JAM2: variants seen among roughly 807,000 people sequenced by gnomAD.
The protein encoded by JAM2 is junctional adhesion molecule 2.
Under a neutral mutation model 42.0 loss-of-function variants are expected in JAM2, and 17 were observed. The observed-to-expected ratio is 0.40, with a 90% confidence interval of 0.28 to 0.61. JAM2 has a LOEUF of 0.61. Ranked by LOEUF, JAM2 falls within the 20% of genes least tolerant of loss-of-function variation. The pLI is 0.37. For synonymous variants in JAM2, 118 were observed against 128.6 expected (o/e 0.92, Z 0.56); for missense variants, 319 against 358.3 (o/e 0.89, Z 0.89).
At chr21:25,648,175 C>T (rs563394619) in intron 1 of JAM2, among the ~76,000 whole-genome samples, 3 of 152,072 alleles carry the variant, frequency 2.0e-5, no homozygotes, top group Non-Finnish European at 2.9e-5. Context: ...TGTGCCACTG[C>T]ACTCCAGCCT....
At chr21:25,670,214 TG>T (rs1436594482) in intron 1 of JAM2, among the ~76,000 whole-genome samples, 2 of 152,186 alleles carry the variant, frequency 1.3e-5, no homozygotes, top group East Asian at 3.9e-4. Context: ...CTGCGCATGG[TG>T]GCTCATGCTT....
intron 4 of JAM2, among the ~76,000 whole-genome samples, chr21:25,696,448 T>C (rs1260296433): frequency 1.3e-5 from 2 of 152,112 alleles, no homozygotes; most frequent in Non-Finnish European, 2.9e-5. Context: ...CCTTCCTTTT[T>C]CATGTTGTTC....
chr21:25,702,409 G>A, intron 6 of JAM2, 140 bp downstream of exon 6: 1 of 488,258 alleles, frequency 2.0e-6, no homozygotes, highest in Admixed American at 3.4e-5. Context: ...AAATTAACTT[G>A]ATATGATGTG....
chr21:25,658,685 G>A (rs1032757304), intron 1 of JAM2, among the ~76,000 whole-genome samples: 1 of 152,074 alleles, frequency 6.6e-6, no homozygotes, highest in Admixed American at 6.6e-5. Context: ...GAATTGTTGG[G>A]TAACCTGAGG....
chr21:25,698,397 G>T (rs995271454), intron 4 of JAM2, among the ~76,000 whole-genome samples: 5 of 152,182 alleles, frequency 3.3e-5, no homozygotes, highest in Non-Finnish European at 5.9e-5. Flanking sequence ...CCAGAAATGG[G>T]ATATATCACT....
Position 25,716,800 on chromosome 21 carries a change from G to A in JAM2, c.*2128G>A, listed in dbSNP as rs1256017698. ...AACACCTGTCTACAAGCTTTTGTAA[G>A]AAATCAGGCTAAATGTTACCTATGT... is the stretch of plus-strand genomic sequence containing the variant. On this transcript the variant is annotated 3_prime_UTR_variant, in exon 10 of 10. Coordinates refer to ENST00000480456, the MANE Select transcript of JAM2 (RefSeq NM_021219.4). 6.6e-6 allele frequency: 1 copy of A among 152,220 alleles called. No individual in the cohort carries two copies. Among genetic ancestry groups the A allele is most frequent in the Non-Finnish European group, 1.5e-5 (1 of 68,034 alleles). The allele number at this position is 152,220 out of a possible 1,614,324, so 9.4% of individuals were successfully genotyped here.
intron 1 of JAM2, among the ~76,000 whole-genome samples, chr21:25,668,886 AAG>A (rs1311001622): frequency 6.6e-6 from 1 of 152,174 alleles, no homozygotes; most frequent in Non-Finnish European, 1.5e-5. Flanking sequence ...AAAGCGTGTT[AAG>A]AAGAAGGGTG....
chr21:25,670,705 G>A (rs2033340884), intron 1 of JAM2, among the ~76,000 whole-genome samples: 1 of 152,152 alleles, frequency 6.6e-6, no homozygotes, highest in Admixed American at 6.5e-5. Context: ...AAAAAAGTCA[G>A]AGAACTGTTT....
At chr21:25,696,596 A>G (rs1568913854) in intron 4 of JAM2, among the ~76,000 whole-genome samples, 1 of 152,202 alleles carries the variant, frequency 6.6e-6, no homozygotes, top group Non-Finnish European at 1.5e-5. Flanking sequence ...GAAGTCCAAC[A>G]AGAAGACTGG....
chr21:25,657,109 T>C (rs968197127), intron 1 of JAM2, among the ~76,000 whole-genome samples: 1 of 152,192 alleles, frequency 6.6e-6, no homozygotes, highest in African/African-American at 2.4e-5. Context: ...ATTTTTTTTT[T>C]CTTTTTTGGG....
At chr21:25,669,255 C>A (rs760582698) in intron 1 of JAM2, among the ~76,000 whole-genome samples, 1 of 151,862 alleles carries the variant, frequency 6.6e-6, no homozygotes, top group East Asian at 1.9e-4. Flanking sequence ...CAGCTGTGGT[C>A]CAGCTACTCG....
In JAM2 at chr21:25,702,200, G is replaced by A; in HGVS notation, c.628G>A (p.Gly210Arg). ...TAATACTGTTTCCAAACTGGACACTGGAGAATATTCCTGTGAAGCCCGCAA... is the reference window on the plus strand; with the variant it reads ...TAATACTGTTTCCAAACTGGACACTAGAGAATATTCCTGTGAAGCCCGCAA... Reference protein sequence around the residue: ...QFNTVSKLDTGEYSCEARNSV... With the variant: ...QFNTVSKLDTREYSCEARNSV... Residue 210 changes from glycine to arginine, a missense_variant, in exon 6 of 10, where the codon GGA becomes AGA. Gly to Arg is a moderately radical substitution (Grantham distance 125, BLOSUM62 -2). Transcript: ENST00000480456. 1.3e-6 allele frequency: 2 copies of A among 1,594,520 alleles called. No homozygotes were observed. The highest frequency in any genetic ancestry group is 8.6e-7 in the Non-Finnish European group (1 of 1,165,262).
chr21:25,650,221 G>A lies in JAM2; in HGVS notation c.67+10333G>A, dbSNP rs546647514. ...TTAAACCATTGTAGAGCCTGATAAA[G>A]TGATCTTCATTTCCAAATCAAAGAT... On this transcript the variant is annotated intron_variant, in intron 1 of 9. Coordinates refer to ENST00000480456, the MANE Select transcript of JAM2 (RefSeq NM_021219.4). 2.0e-4 allele frequency among the ~76,000 whole-genome samples: 30 copies of A among 152,316 alleles called. No homozygotes were observed. The South Asian group carries it at 6.0e-3, about 30-fold the overall frequency.
intron 1 of JAM2, among the ~76,000 whole-genome samples, chr21:25,641,241 T>A (rs2032432664): frequency 1.3e-5 from 2 of 152,234 alleles, no homozygotes; most frequent in Non-Finnish European, 2.9e-5. Flanking sequence ...GAAAGTTATG[T>A]ATTCTGCTGA....
intron 1 of JAM2, among the ~76,000 whole-genome samples, chr21:25,676,630 A>G (rs1187640383): frequency 6.6e-6 from 1 of 152,210 alleles, no homozygotes; most frequent in Non-Finnish European, 1.5e-5. Context: ...GAACATGTTC[A>G]TAACTGTTAA....
chr21:25,699,119 A>C lies in JAM2; in HGVS notation c.597+240A>C, dbSNP rs192469689. 1.8e-4 allele frequency among the ~76,000 whole-genome samples: 27 copies of C among 152,306 alleles called. 1 individual carries two copies. The highest frequency in any genetic ancestry group is 1.5e-5 in the Non-Finnish European group (1 of 68,028). On this transcript the variant is annotated intron_variant, in intron 5 of 9. Transcript: ENST00000480456. Reference sequence around the variant, plus strand: ...ACTGTGCAAGGACCAGTAAAAGAGCAAAGGGGCAAAGGCTCCTGAAACAAA... The same window carrying C: ...ACTGTGCAAGGACCAGTAAAAGAGCCAAGGGGCAAAGGCTCCTGAAACAAA...
At chr21:25,698,907 T>C in intron 5 of JAM2, 28 bp downstream of exon 5, 2 of 1,574,318 alleles carry the variant, frequency 1.3e-6, no homozygotes, top group Non-Finnish European at 1.7e-6. Flanking sequence ...TTTGACTTGA[T>C]AACTGTCTTG....
intron 6 of JAM2, 132 bp from the exon 7 acceptor site, chr21:25,705,847 G>A (rs2123411061): frequency 4.8e-6 from 3 of 620,642 alleles, no homozygotes; most frequent in South Asian, 4.0e-5. Context: ...AGTTGAACAG[G>A]CTTCACAATC....
At chr21:25,675,522 G>C (rs2033464059) in intron 1 of JAM2, among the ~76,000 whole-genome samples, 1 of 145,956 alleles carries the variant, frequency 6.9e-6, no homozygotes, top group Admixed American at 7.0e-5. Flanking sequence ...AGAGGAGAGA[G>C]AGAGAAAGAG....
Sources: allele counts gnomAD v4.1 joint callset (sites outside exome capture counted in the v4.1 genomes callset), GRCh38; gene constraint gnomAD v4.1.1; transcripts MANE v1.5; gene names NCBI Gene and HGNC (gene_info 2026-07-23, HGNC 2026-07-21).